The following FAM168A variants were observed in gnomAD, a reference collection of about 807,000 sequenced individuals.
The protein encoded by FAM168A is family with sequence similarity 168 member A.
A neutral mutation model predicts 28.5 loss-of-function variants in FAM168A; 3 were observed. The ratio of observed to expected loss-of-function variants is 0.11; its 90% CI spans 0.05 to 0.27. The LOEUF is 0.27. Among genes scored for constraint, FAM168A ranks in the 10% least tolerant of loss-of-function variants. FAM168A has a pLI of 1.00. For synonymous variants in FAM168A, 122 were observed against 124.2 expected (o/e 0.98, Z 0.12); for missense variants, 222 against 311.5 (o/e 0.71, Z 2.16).
intron 1 of FAM168A, among the ~76,000 whole-genome samples, chr11:73,517,963 G>A (rs1163301150): frequency 6.6e-6 from 1 of 152,186 alleles, no homozygotes; most frequent in Non-Finnish European, 1.5e-5. Flanking sequence ...TTGCAGGCAG[G>A]AGCAAAGGCA....
At chr11:73,422,316 C>T (rs192338727) in intron 3 of FAM168A, among the ~76,000 whole-genome samples, 2 of 152,248 alleles carry the variant, frequency 1.3e-5, no homozygotes, top group Admixed American at 1.3e-4. Flanking sequence ...AAATATTTTT[C>T]TTTATTTTCT....
At chr11:73,425,147 T>C in intron 3 of FAM168A, 1 of 774,278 alleles carries the variant, frequency 1.3e-6, no homozygotes, top group Non-Finnish European at 2.0e-6. Context: ...CAATAGCAGT[T>C]TCCCCCCAGC....
chr11:73,568,714 G>C (rs1944050683), intron 1 of FAM168A, among the ~76,000 whole-genome samples: 1 of 152,080 alleles, frequency 6.6e-6, no homozygotes, highest in African/African-American at 2.4e-5. Context: ...GGCCAACTGA[G>C]TGAAACCCCG....
At chr11:73,502,019 T>C (rs566130168) in intron 1 of FAM168A, among the ~76,000 whole-genome samples, 175 of 149,598 alleles carry the variant, frequency 1.2e-3, no homozygotes, top group Non-Finnish European at 1.2e-3. Flanking sequence ...GAGAACGGCA[T>C]GAACCCCGGA....
intron 1 of FAM168A, among the ~76,000 whole-genome samples, chr11:73,578,883 A>G (rs530615490): frequency 6.6e-6 from 1 of 152,352 alleles, no homozygotes; most frequent in South Asian, 2.1e-4. Context: ...TGAAAGTGAC[A>G]ATAGCAATGC....
At chr11:73,467,217 T>C (rs1174312482) in intron 2 of FAM168A, among the ~76,000 whole-genome samples, 1 of 151,810 alleles carries the variant, frequency 6.6e-6, no homozygotes, top group Non-Finnish European at 1.5e-5. Context: ...GATCCTCCTT[T>C]CCTCTAGAGG....
intron 1 of FAM168A, among the ~76,000 whole-genome samples, chr11:73,511,273 T>C (rs1487971646): frequency 6.6e-6 from 1 of 152,034 alleles, no homozygotes; most frequent in Non-Finnish European, 1.5e-5. Flanking sequence ...AGTCCAGCTC[T>C]GTCGCCCAGG....
intron 2 of FAM168A, among the ~76,000 whole-genome samples, chr11:73,459,879 ATTTTTTT>A (rs918564469): frequency 3.7e-5 from 4 of 108,442 alleles, no homozygotes; most frequent in South Asian, 3.1e-4. Context: ...ATCCAAATGA[ATTTTTTT>A]TTTTTTTTTT....
At chr11:73,535,686 T>C (rs1459628618) in intron 1 of FAM168A, among the ~76,000 whole-genome samples, 7 of 151,550 alleles carry the variant, frequency 4.6e-5, no homozygotes. Context: ...CCCAAAGTGT[T>C]GGGATTACAG....
At chr11:73,545,954 T>G (rs1943745916) in intron 1 of FAM168A, among the ~76,000 whole-genome samples, 1 of 152,166 alleles carries the variant, frequency 6.6e-6, no homozygotes, top group Non-Finnish European at 1.5e-5. Context: ...TCACAGAAAT[T>G]AAAAGATTTA....
chr11:73,448,592 C>T (rs1380517223), intron 2 of FAM168A, among the ~76,000 whole-genome samples: 1 of 152,212 alleles, frequency 6.6e-6, no homozygotes, highest in Admixed American at 6.5e-5. Flanking sequence ...ACTCACTTTC[C>T]CAGCTTTCCT....
At chr11:73,573,583 T>C (rs1243202414) in intron 1 of FAM168A, among the ~76,000 whole-genome samples, 4 of 152,180 alleles carry the variant, frequency 2.6e-5, no homozygotes, top group Non-Finnish European at 5.9e-5. Flanking sequence ...ACTACCATAA[T>C]AAAACTCATC....
Position 73,419,896 on chromosome 11 carries a change from G to A in FAM168A, c.255C>T (p.Tyr85=). 6.2e-7 allele frequency: 1 copy of A among 1,614,070 alleles called. No individual in the cohort carries two copies. The highest frequency in any genetic ancestry group is 8.5e-7 in the Non-Finnish European group (1 of 1,179,962). The change falls in exon 4 of 8, where the codon TAC becomes TAT. Residue 85 remains tyrosine (Y), a synonymous_variant. Coordinates refer to ENST00000356467, the MANE Select transcript of FAM168A (RefSeq NM_015159.3). ...TACTGAAAGCCGCAGAGGATGCTTG[G>A]TAAGTTCGGTTCTCGGTCCCGGTGT... ...PVDTGTENRT[Y]QASSAAFRYT...
At chr11:73,409,809 C>G in intron 5 of FAM168A, 148 bp from the exon 6 acceptor site, 2 of 742,170 alleles carry the variant, frequency 2.7e-6, no homozygotes, top group South Asian at 4.3e-5. Flanking sequence ...CAGTGCTGGG[C>G]TCAGCTTCTG....
chr11:73,431,326 A>G (rs1213175270), intron 2 of FAM168A, among the ~76,000 whole-genome samples: 1 of 152,128 alleles, frequency 6.6e-6, no homozygotes, highest in Non-Finnish European at 1.5e-5. Context: ...TGGGCGACAG[A>G]GCAAGACTCC....
intron 5 of FAM168A, among the ~76,000 whole-genome samples, chr11:73,411,093 T>A (rs943291126): frequency 6.6e-6 from 1 of 152,230 alleles, no homozygotes; most frequent in Non-Finnish European, 1.5e-5. Context: ...CCTCTTTGGG[T>A]CTCAGTTTCC....
intron 1 of FAM168A, among the ~76,000 whole-genome samples, chr11:73,477,468 A>G (rs930253591): frequency 4.6e-5 from 7 of 152,164 alleles, no homozygotes; most frequent in Admixed American, 1.3e-4. Context: ...CAACAACAAC[A>G]CATATTAAAC....
At chr11:73,450,314 C>A (rs1488316998) in intron 2 of FAM168A, among the ~76,000 whole-genome samples, 2 of 152,188 alleles carry the variant, frequency 1.3e-5, no homozygotes, top group Non-Finnish European at 2.9e-5. Flanking sequence ...AAGAGGAAGA[C>A]TATGGAACAT....
At chr11:73,427,381 A>AT (rs370461441) in intron 3 of FAM168A, among the ~76,000 whole-genome samples, 29,087 of 152,110 alleles carry the variant, frequency 0.19, 4,095 homozygotes, top group African/African-American at 0.4. Flanking sequence ...AAAGCTGAAT[A>AT]ACATGCCAGG....
Sources: allele counts gnomAD v4.1 joint callset (sites outside exome capture counted in the v4.1 genomes callset), GRCh38; gene constraint gnomAD v4.1.1; transcripts MANE v1.5; gene names NCBI Gene and HGNC (gene_info 2026-07-23, HGNC 2026-07-21).